The following ECT2L variants were observed in gnomAD, a reference collection of about 807,000 sequenced individuals.
ECT2L encodes epithelial cell transforming 2 like, also known as epithelial cell-transforming sequence 2 oncogene-like.
A neutral mutation model predicts 122.8 loss-of-function variants in ECT2L; 126 were observed. The observed-to-expected ratio is 1.03, with a 90% CI of 0.89 to 1.19. ECT2L has a LOEUF of 1.19. Among genes scored for constraint, ECT2L ranks in the 50% most tolerant of loss-of-function variants. The pLI, the probability that ECT2L is intolerant of heterozygous loss-of-function variation, is 0.00. For missense variants in ECT2L, 1,012 were observed against 1,064.1 expected (o/e 0.95, Z 0.68); for synonymous variants, 385 against 381.8 (o/e 1.01, Z -0.10).
rs1554277021 is a variant in ECT2L, at chr6:138,873,898, G to GTGTGTGTGTGTGTA, written c.1579-2561_1579-2560insATGTGTGTGTGTGT. On this transcript the variant is annotated intron_variant, in intron 13 of 21. Coordinates refer to ENST00000541398, the MANE Select transcript of ECT2L (RefSeq NM_001077706.3). ...TGTGTGTGTGTGTGTGTGTGTGTGT[G>GTGTGTGTGTGTGTA]TGTGTGTGTGTGTGTGTCCATCCAT... Among the ~76,000 whole-genome samples the GTGTGTGTGTGTGTA allele has an allele frequency of 4.5e-4, 67 of 150,244 alleles. 1 individual carries two copies. The highest frequency in any genetic ancestry group is 1.6e-3 in the African/African-American group (64 of 40,474).
chr6:138,859,755 C>T (rs967288466), intron 10 of ECT2L, among the ~76,000 whole-genome samples: 6 of 151,672 alleles, frequency 4.0e-5, no homozygotes, highest in Non-Finnish European at 5.9e-5. Context: ...ATATTTTCTA[C>T]AGTCTGTAGA....
intron 9 of ECT2L, among the ~76,000 whole-genome samples, chr6:138,850,336 G>T (rs1474638816): frequency 6.6e-6 from 1 of 151,938 alleles, no homozygotes; most frequent in Non-Finnish European, 1.5e-5. Context: ...GTAGAGACAG[G>T]GTTCCACTAT....
intron 4 of ECT2L, among the ~76,000 whole-genome samples, chr6:138,832,532 A>G (rs1776681588): frequency 6.6e-6 from 1 of 152,188 alleles, no homozygotes; most frequent in African/African-American, 2.4e-5. Flanking sequence ...GAGATTTAAT[A>G]TGGACTTAAG....
At chr6:138,865,615 C>T (rs1778007039) in intron 12 of ECT2L, among the ~76,000 whole-genome samples, 1 of 152,176 alleles carries the variant, frequency 6.6e-6, no homozygotes, top group Non-Finnish European at 1.5e-5. Context: ...CTCCATGGGC[C>T]TTTGCTGAGC....
chr6:138,851,214 A>C (rs1777440426), intron 9 of ECT2L, among the ~76,000 whole-genome samples: 1 of 151,662 alleles, frequency 6.6e-6, no homozygotes, highest in Non-Finnish European at 1.5e-5. Context: ...TTGGAGACAG[A>C]GCCTCGCTCT....
rs367560936 is a variant in ECT2L at position 138,804,582 on chromosome 6, AACACAC to A, written c.-243-8232_-243-8227del. Among the ~76,000 whole-genome samples, 11 of 146,376 alleles carry A rather than the reference AACACAC, an allele frequency of 7.5e-5. No individual in the cohort carries two copies. In the East Asian group the frequency reaches 8.0e-4, roughly 11 times the overall value. On this transcript the variant is annotated intron_variant, in intron 1 of 21. Transcript: ENST00000541398. ...TTTTAGAATCAGCTTTGAAGTTTTA[AACACAC>A]ACACACACACACACACACACACAAT...
In ECT2L at chr6:138,801,146, T is replaced by C. The variant is rs372861302; in HGVS notation, c.-244+4954T>C. Reference sequence around the variant, plus strand: ...AAACCTGATATTTGGAGGTGACACATTCAAACCATAGCAATTATGGTTTAA... The same window carrying C: ...AAACCTGATATTTGGAGGTGACACACTCAAACCATAGCAATTATGGTTTAA... On this transcript the variant is annotated intron_variant, in intron 1 of 21. Coordinates refer to ENST00000541398, the MANE Select transcript of ECT2L (RefSeq NM_001077706.3). Among the ~76,000 whole-genome samples, 62 of 152,228 alleles carry C rather than the reference T, an allele frequency of 4.1e-4. 1 individual carries two copies. The highest frequency in any genetic ancestry group is 1.4e-3 in the African/African-American group (58 of 41,454).
chr6:138,798,229 A>T (rs1182480328), intron 1 of ECT2L, among the ~76,000 whole-genome samples: 2 of 152,194 alleles, frequency 1.3e-5, no homozygotes, highest in Non-Finnish European at 2.9e-5. Flanking sequence ...ATCATTGGCC[A>T]TTGGTGATCA....
intron 8 of ECT2L, among the ~76,000 whole-genome samples, chr6:138,848,689 T>C (rs746952351): frequency 6.6e-6 from 1 of 152,198 alleles, no homozygotes; most frequent in Non-Finnish European, 1.5e-5. Flanking sequence ...ATGTGGGCCA[T>C]AGCTTCCACA....
Position 138,814,586 on chromosome 6 carries a change from C to G in ECT2L, c.162C>G (p.Cys54Trp). ...TCTTATTCGCAATTTTTTTAAGATG[C>G]ACTAAATCACAATTAAGGTAAATGT... ...QEFLFAIFLR[C>W]TKSQLRFVQD... The change falls in exon 4 of 22, where the codon TGC becomes TGG. Residue 54 changes from cysteine to tryptophan, a missense_variant. Physicochemically the swap from Cys to Trp is radical, Grantham distance 215 (BLOSUM62 -2). Coordinates refer to ENST00000541398, the MANE Select transcript of ECT2L (RefSeq NM_001077706.3). 6.2e-7 allele frequency: 1 copy of G among 1,605,138 alleles called. No individual in the cohort carries two copies. The highest frequency in any genetic ancestry group is 8.5e-7 in the Non-Finnish European group (1 of 1,172,790).
In ECT2L at chr6:138,902,792, G is replaced by A; in HGVS notation, c.*165G>A. 2 of 809,466 alleles carry A rather than the reference G, an allele frequency of 2.5e-6. No individual in the cohort carries two copies. The highest frequency in any genetic ancestry group is 3.8e-6 in the Non-Finnish European group (2 of 523,678). 50.1% of individuals were successfully genotyped at this position (809,466 alleles called of 1,614,324 possible). A position where few individuals can be genotyped will look rare whatever the true frequency, so the allele number is the denominator to read the frequency against. On this transcript the variant is annotated 3_prime_UTR_variant, in exon 22 of 22. Coordinates refer to ENST00000541398, the MANE Select transcript of ECT2L (RefSeq NM_001077706.3). ...TTCCAACTTTTAAACTTTATCACTT[G>A]TGCTCACTTATGTAGAATGTATAAG...
rs570917495 is a variant in ECT2L, at chr6:138,801,092, A to T, written c.-244+4900A>T. Among the ~76,000 whole-genome samples the T allele has an allele frequency of 3.3e-5, 5 of 152,336 alleles. No individual in the cohort carries two copies. The South Asian group carries it at 1.0e-3, about 32-fold the overall frequency. On this transcript the variant is annotated intron_variant, in intron 1 of 21. Coordinates refer to ENST00000541398, the MANE Select transcript of ECT2L (RefSeq NM_001077706.3). ...CTATCTCTTAAAGGCCCAACCTCTT[A>T]CTATCATTACATTGGCCATTAAGGT...
rs1429609458 is a variant in ECT2L at position 138,846,883 on chromosome 6, G to C, written c.903+206G>C. On this transcript the variant is annotated intron_variant, in intron 8 of 21. Transcript: ENST00000541398. ...AGGCTGAGGTGGGAGGATCACTGGA[G>C]CCCAGGAGATGGAGGCTGCAGTGAA... 2.7e-5 allele frequency among the ~76,000 whole-genome samples: 4 copies of C among 147,248 alleles called. No individual in the cohort carries two copies. The East Asian group carries it at 8.3e-4, about 31-fold the overall frequency.
Position 138,904,009 on chromosome 6 carries a change from CAA to C in ECT2L, c.*1385_*1386del, listed in dbSNP as rs1308139253. Reference sequence around the variant, plus strand: ...CTTTAAATCTTGTTAAAAAGATGAACAAAAGTTAAAATATTATGCTGTTTTAT... The same window carrying C: ...CTTTAAATCTTGTTAAAAAGATGAACAAGTTAAAATATTATGCTGTTTTAT... On this transcript the variant is annotated 3_prime_UTR_variant, in exon 22 of 22. Transcript: ENST00000541398. 18 of 152,000 alleles carry C rather than the reference CAA, an allele frequency of 1.2e-4. No individual in the cohort carries two copies. The highest frequency in any genetic ancestry group is 1.9e-4 in the Non-Finnish European group (13 of 67,972). 9.4% of individuals were successfully genotyped at this position (152,000 alleles called of 1,614,324 possible). A position where few individuals can be genotyped will look rare whatever the true frequency, so the allele number is the denominator to read the frequency against.
intron 19 of ECT2L, among the ~76,000 whole-genome samples, 169 bp from the exon 20 acceptor site, chr6:138,888,774 T>C (rs1026636806): frequency 6.6e-6 from 1 of 152,224 alleles, no homozygotes; most frequent in African/African-American, 2.4e-5. Flanking sequence ...GTCAATACTG[T>C]GGTCTTTCTA....
intron 10 of ECT2L, among the ~76,000 whole-genome samples, chr6:138,856,465 A>G (rs918682432): frequency 1.3e-5 from 2 of 151,972 alleles, no homozygotes; most frequent in African/African-American, 4.8e-5. Flanking sequence ...CGCCCACCTC[A>G]GCCTCCCAAA....
At chr6:138,826,282 C>T (rs924454690) in intron 4 of ECT2L, among the ~76,000 whole-genome samples, 3 of 152,168 alleles carry the variant, frequency 2.0e-5, no homozygotes, top group African/African-American at 7.2e-5. Flanking sequence ...AAATTTCCCC[C>T]CAACATACAT....
chr6:138,859,920 T>C (rs144689782), intron 10 of ECT2L, among the ~76,000 whole-genome samples: 1,728 of 152,122 alleles, frequency 0.011, 42 homozygotes, highest in African/African-American at 0.039. Flanking sequence ...GTTCAAGCAA[T>C]TCTCCTGCCT....
chr6:138,871,697 T>C (rs1778258767), intron 13 of ECT2L, among the ~76,000 whole-genome samples: 1 of 152,072 alleles, frequency 6.6e-6, no homozygotes, highest in African/African-American at 2.4e-5. Context: ...TTCCAGCTAC[T>C]TGGGAGGCTG....
Sources: allele counts gnomAD v4.1 joint callset (sites outside exome capture counted in the v4.1 genomes callset), GRCh38; gene constraint gnomAD v4.1.1; transcripts MANE v1.5; gene names NCBI Gene and HGNC (gene_info 2026-07-23, HGNC 2026-07-21).